Variants in XKR6 observed in about 807,000 individuals in gnomAD.
XKR6 encodes XK-related protein 6.
XKR6 carries 22 observed loss-of-function variants against 56.7 expected under a neutral mutation model. The observed-to-expected ratio is 0.39, with a 90% CI of 0.28 to 0.55. The LOEUF is 0.55. Ranked by LOEUF, XKR6 falls within the 20% of genes least tolerant of loss-of-function variation. XKR6 has a pLI of 0.66. For missense variants in XKR6, 852 were observed against 889.0 expected (o/e 0.96, Z 0.53); for synonymous variants, 524 against 387.8 (o/e 1.35, Z -4.13).
At chr8:11,188,762 G>C (rs752887810) in intron 1 of XKR6, among the ~76,000 whole-genome samples, 4 of 152,184 alleles carry the variant, frequency 2.6e-5, no homozygotes, top group Non-Finnish European at 4.4e-5. Context: ...CCAACGAGCA[G>C]AGGATCTAAC....
At chr8:11,180,474 C>T (rs1315540771) in intron 1 of XKR6, among the ~76,000 whole-genome samples, 1 of 152,256 alleles carries the variant, frequency 6.6e-6, no homozygotes, top group Non-Finnish European at 1.5e-5. Flanking sequence ...GACAACCAGT[C>T]CCTAGACATG....
At chr8:10,975,767 C>A (rs1802536158) in intron 1 of XKR6, among the ~76,000 whole-genome samples, 1 of 152,252 alleles carries the variant, frequency 6.6e-6, no homozygotes, top group African/African-American at 2.4e-5. Context: ...CACACTGTGT[C>A]TGCTTAGGCC....
chr8:11,074,471 C>T (rs534622554), intron 1 of XKR6, among the ~76,000 whole-genome samples: 1 of 152,346 alleles, frequency 6.6e-6, no homozygotes, highest in East Asian at 1.9e-4. Context: ...TTCAATCAAT[C>T]ATTTCCTGGG....
At chr8:11,144,634 G>A (rs113923600) in intron 1 of XKR6, among the ~76,000 whole-genome samples, 39 of 152,192 alleles carry the variant, frequency 2.6e-4, no homozygotes, top group Non-Finnish European at 4.6e-4. Context: ...CACTCAGGCA[G>A]ATACCTCGAT....
At chr8:11,183,957 G>A (rs1308861564) in intron 1 of XKR6, among the ~76,000 whole-genome samples, 1 of 152,086 alleles carries the variant, frequency 6.6e-6, no homozygotes, top group African/African-American at 2.4e-5. Context: ...TCTGTAGTCT[G>A]GGCAATAATA....
intron 1 of XKR6, among the ~76,000 whole-genome samples, chr8:11,017,625 G>A (rs1254638540): frequency 1.3e-5 from 2 of 152,244 alleles, no homozygotes; most frequent in Non-Finnish European, 2.9e-5. Flanking sequence ...GTGGGCATCA[G>A]AGACACCCAC....
At chr8:11,117,475 G>GCC (rs199536539) in intron 1 of XKR6, among the ~76,000 whole-genome samples, 1,580 of 152,234 alleles carry the variant, frequency 0.01, 35 homozygotes, top group African/African-American at 0.037. Flanking sequence ...TCTGAATGAC[G>GCC]GCGTGGAGAC....
intron 1 of XKR6, among the ~76,000 whole-genome samples, chr8:11,122,815 C>G (rs903826895): frequency 3.3e-5 from 5 of 152,138 alleles, no homozygotes; most frequent in African/African-American, 1.2e-4. Flanking sequence ...TGGACCCTCA[C>G]TAATATTTGG....
intron 2 of XKR6, among the ~76,000 whole-genome samples, chr8:10,912,220 CAGAGAGAGAGAG>C (rs1586295809): frequency 8.2e-6 from 1 of 121,322 alleles, no homozygotes; most frequent in East Asian, 2.5e-4. Flanking sequence ...TGTATATATA[CAGAGAGAGAGAG>C]GGAGAGAGAG....
At chr8:11,150,724 G>T (rs549348914) in intron 1 of XKR6, among the ~76,000 whole-genome samples, 1 of 151,906 alleles carries the variant, frequency 6.6e-6, no homozygotes, top group African/African-American at 2.4e-5. Flanking sequence ...GTGGTGGCGG[G>T]CGCCTATAAT....
Position 10,896,488 on chromosome 8 carries a change from T to A in XKR6, c.*1464A>T, listed in dbSNP as rs1235460426. The A allele has an allele frequency of 6.6e-6, 1 of 152,544 alleles. No homozygotes were observed. Among genetic ancestry groups the A allele is most frequent in the Non-Finnish European group, 1.5e-5 (1 of 68,046 alleles). 9.4% of individuals were successfully genotyped at this position (152,544 alleles called of 1,614,324 possible). ...GTGATCCAAGTTCGTCTTACATCAG[T>A]TTTGTATATCTCTGGCAAGACTTTG... On this transcript the variant is annotated 3_prime_UTR_variant, in exon 3 of 3. Transcript: ENST00000416569.
intron 1 of XKR6, among the ~76,000 whole-genome samples, chr8:10,990,384 C>G (rs780712265): frequency 5.9e-5 from 9 of 152,188 alleles, no homozygotes; most frequent in Non-Finnish European, 1.2e-4. Flanking sequence ...ATGGTCACAA[C>G]CCATCGTGGC....
At chr8:11,020,415 G>A (rs577604312) in intron 1 of XKR6, among the ~76,000 whole-genome samples, 1 of 152,322 alleles carries the variant, frequency 6.6e-6, no homozygotes, top group East Asian at 1.9e-4. Context: ...GAGTCCCAAT[G>A]ATGTGGCAAG....
chr8:11,113,946 T>C (rs1156379505), intron 1 of XKR6: 2 of 323,154 alleles, frequency 6.2e-6, no homozygotes, highest in East Asian at 9.2e-5. Context: ...CGGAAACACA[T>C]GAAGGCCTCC....
At chr8:10,931,599 A>G (rs1182920169) in intron 1 of XKR6, among the ~76,000 whole-genome samples, 2 of 152,206 alleles carry the variant, frequency 1.3e-5, no homozygotes, top group Non-Finnish European at 2.9e-5. Flanking sequence ...GAAGACCCAT[A>G]TAATTATGGC....
intron 1 of XKR6, among the ~76,000 whole-genome samples, chr8:10,941,393 T>C (rs1029162951): frequency 2.0e-5 from 3 of 152,194 alleles, no homozygotes; most frequent in Admixed American, 6.5e-5. Flanking sequence ...ATGGGCACCA[T>C]GGGCCCTGTG....
chr8:11,193,880 A>C (rs571951500), intron 1 of XKR6, among the ~76,000 whole-genome samples: 1 of 152,140 alleles, frequency 6.6e-6, no homozygotes, highest in Non-Finnish European at 1.5e-5. Flanking sequence ...AAAAAAGACT[A>C]CTGAAAAATA....
At chr8:10,954,866 C>CTTTTTTT (rs34248780) in intron 1 of XKR6, among the ~76,000 whole-genome samples, 2 of 92,790 alleles carry the variant, frequency 2.2e-5, no homozygotes, top group South Asian at 3.6e-4. Context: ...ACTTCATTCT[C>CTTTTTTT]TTTTTTTTTT....
In XKR6 at chr8:11,054,292, G is replaced by C. The variant is rs565817296; in HGVS notation, c.765-129462C>G. 3.5e-4 allele frequency among the ~76,000 whole-genome samples: 54 copies of C among 152,336 alleles called. 1 individual carries two copies. The highest frequency in any genetic ancestry group is 1.3e-3 in the African/African-American group (52 of 41,570). On this transcript the variant is annotated intron_variant, in intron 1 of 2. Coordinates refer to ENST00000416569, the MANE Select transcript of XKR6 (RefSeq NM_173683.4). ...GAGCAGGACCAGAGGTGAAAAGAGA[G>C]AGCGCACAGTAAGTTTGTCCTAACT...
Sources: allele counts gnomAD v4.1 joint callset (sites outside exome capture counted in the v4.1 genomes callset), GRCh38; gene constraint gnomAD v4.1.1; transcripts MANE v1.5; gene names NCBI Gene and HGNC (gene_info 2026-07-23, HGNC 2026-07-21).